Variants in PYGO1 observed in about 807,000 individuals in gnomAD.
PYGO1 encodes pygopus homolog 1.
A neutral mutation model predicts 29.5 loss-of-function variants in PYGO1; 6 were observed. That is an observed-to-expected ratio of 0.20 (90% confidence interval 0.11 to 0.40). PYGO1 has a LOEUF of 0.40. Ranked by LOEUF, PYGO1 falls within the 10% of genes least tolerant of loss-of-function variation. The probability of loss-of-function intolerance (pLI) is 1.00; values close to 1 mark genes in which losing one functional copy is unlikely to be tolerated. For synonymous variants in PYGO1, 186 were observed against 180.5 expected (o/e 1.03, Z -0.24); for missense variants, 515 against 514.9 (o/e 1.00, Z 0.00).
rs774209139 is a variant in PYGO1 at position 55,545,967 on chromosome 15, T to G, written c.*56A>C. 6.2e-6 allele frequency: 9 copies of G among 1,453,960 alleles called. No homozygotes were observed. Among genetic ancestry groups the G allele is most frequent in the Non-Finnish European group, 8.4e-6 (9 of 1,076,458 alleles). 90.1% of individuals were successfully genotyped at this position (1,453,960 alleles called of 1,614,324 possible). A position where few individuals can be genotyped will look rare whatever the true frequency, so the allele number is the denominator to read the frequency against. ...TAATGTAAAACATTAAAATCCTGTGTCAATGAACTTCTGCAATGCACAGGA... is the reference window on the plus strand; with the variant it reads ...TAATGTAAAACATTAAAATCCTGTGGCAATGAACTTCTGCAATGCACAGGA... On this transcript the variant is annotated 3_prime_UTR_variant, in exon 3 of 3. Coordinates refer to ENST00000563719, the MANE Select transcript of PYGO1 (RefSeq NM_001367806.1).
chr15:55,566,721 C>T (rs1476772272), intron 1 of PYGO1, among the ~76,000 whole-genome samples: 2 of 152,156 alleles, frequency 1.3e-5, no homozygotes, highest in Non-Finnish European at 2.9e-5. Flanking sequence ...CTCCACAGGC[C>T]TTATCAACAC....
At chr15:55,565,341 A>T (rs1165147349) in intron 1 of PYGO1, among the ~76,000 whole-genome samples, 7 of 152,000 alleles carry the variant, frequency 4.6e-5, no homozygotes, top group Non-Finnish European at 8.8e-5. Flanking sequence ...AAATGGTCAT[A>T]TTTTCATCTG....
intron 1 of PYGO1, among the ~76,000 whole-genome samples, chr15:55,567,425 C>G (rs925160733): frequency 2.0e-5 from 3 of 151,648 alleles, no homozygotes; most frequent in Admixed American, 2.0e-4. Flanking sequence ...CCAAGCTGGT[C>G]TCAAACTCCT....
rs2058844087 is a variant in PYGO1, at chr15:55,545,143, C to T, written c.*880G>A. 2 of 152,160 alleles carry T rather than the reference C, an allele frequency of 1.3e-5. No individual in the cohort carries two copies. Among genetic ancestry groups the T allele is most frequent in the Admixed American group, 1.3e-4 (2 of 15,274 alleles). 9.4% of individuals were successfully genotyped at this position (152,160 alleles called of 1,614,324 possible). On this transcript the variant is annotated 3_prime_UTR_variant, in exon 3 of 3. Transcript: ENST00000563719. ...GCCCTCTAAGGCCAAATGGATGTTT[C>T]TACCTTCCTCATCTGCAATATGTCC...
rs1380667491 is a variant in PYGO1, at chr15:55,548,911, T to C, written c.134A>G (p.Gln45Arg). ...PDKKKRKANTQGPSFPPLSEY... is the reference protein window; with the variant it reads ...PDKKKRKANTRGPSFPPLSEY... ...TTATTAAAGAAAATGTCAGTTTACCTGTGTATTTGCCTTGCGCTTTTTCTT... is the reference window on the plus strand; with the variant it reads ...TTATTAAAGAAAATGTCAGTTTACCCGTGTATTTGCCTTGCGCTTTTTCTT... Residue 45 changes from glutamine (Q) to arginine (R), a missense_variant and splice_region_variant, in exon 2 of 3, where the codon CAG becomes CGG. Gln to Arg is a conservative substitution (Grantham distance 43). Coordinates refer to ENST00000563719, the MANE Select transcript of PYGO1 (RefSeq NM_001367806.1). The C allele has an allele frequency of 2.5e-6, 4 of 1,610,850 alleles. No individual in the cohort carries two copies. Among genetic ancestry groups the C allele is most frequent in the Non-Finnish European group, 3.4e-6 (4 of 1,178,524 alleles).
chr15:55,580,090 GATAACT>G, intron 1 of PYGO1, among the ~76,000 whole-genome samples: 1 of 152,168 alleles, frequency 6.6e-6, no homozygotes, highest in East Asian at 1.9e-4. Flanking sequence ...CACATGTGAA[GATAACT>G]ATACAATAAT....
At chr15:55,550,624 G>C (rs1347301772) in intron 1 of PYGO1, among the ~76,000 whole-genome samples, 1 of 152,150 alleles carries the variant, frequency 6.6e-6, no homozygotes, top group Non-Finnish European at 1.5e-5. Flanking sequence ...CTAAGTCCCA[G>C]ATGTGGAAGT....
chr15:55,548,972 A>C lies in PYGO1; in HGVS notation c.73T>G (p.Leu25Val). Residue 25 changes from leucine (L) to valine (V), a missense_variant, in exon 2 of 3, where the codon TTA (leucine) becomes GTA (valine). Transcript: ENST00000563719. ...CCTAGTTGTACACCTGGTCCTCCTA[A>C]CCCATCCAGTCCACTATCACCACCT... Reference protein sequence around the residue: ...VRGGDSGLDGLGGPGVQLGSP... With the variant: ...VRGGDSGLDGVGGPGVQLGSP... The C allele has an allele frequency of 6.2e-7, 1 of 1,611,474 alleles. No individual in the cohort carries two copies. Among genetic ancestry groups the C allele is most frequent in the Non-Finnish European group, 8.5e-7 (1 of 1,178,912 alleles).
intron 1 of PYGO1, among the ~76,000 whole-genome samples, chr15:55,550,164 T>C (rs974372973): frequency 6.6e-5 from 10 of 152,342 alleles, no homozygotes; most frequent in African/African-American, 2.2e-4. Context: ...TGGTTTGACA[T>C]GTCTTTTAAT....
rs1442470969 is a variant in PYGO1 at position 55,546,111 on chromosome 15, C to T, written c.1172G>A (p.Gly391Asp). Residue 391 changes from glycine (G) to aspartate (D), a missense_variant, in exon 3 of 3, where the codon GGC (glycine) becomes GAC (aspartate). Coordinates refer to ENST00000563719, the MANE Select transcript of PYGO1 (RefSeq NM_001367806.1). ...LLTAEASAVW[G>D]CDTCMADKDV... ...TTTGTCAGCCATACAGGTATCACAG[C>T]CCCATACTGCAGATGCTTCTGCAGT... 1 of 1,614,080 alleles carries T rather than the reference C, an allele frequency of 6.2e-7. No individual in the cohort carries two copies. The highest frequency in any genetic ancestry group is 1.3e-5 in the African/African-American group (1 of 74,922).
intron 1 of PYGO1, among the ~76,000 whole-genome samples, chr15:55,573,813 T>C (rs1010329370): frequency 2.0e-5 from 3 of 152,254 alleles, no homozygotes; most frequent in Non-Finnish European, 1.5e-5. Context: ...ATGTTATATG[T>C]TGTATTACAT....
intron 1 of PYGO1, among the ~76,000 whole-genome samples, chr15:55,555,601 C>G (rs2058900862): frequency 6.6e-6 from 1 of 151,088 alleles, no homozygotes; most frequent in African/African-American, 2.4e-5. Context: ...TGCAGCATAC[C>G]AACATGGCAC....
At chr15:55,556,003 C>G (rs900856317) in intron 1 of PYGO1, among the ~76,000 whole-genome samples, 1 of 151,966 alleles carries the variant, frequency 6.6e-6, no homozygotes, top group Non-Finnish European at 1.5e-5. Flanking sequence ...CAGATTCATA[C>G]AGCAAGTTTT....
In PYGO1 at chr15:55,563,585, C is replaced by T. The variant is rs147040232; in HGVS notation, c.50-14590G>A. The stretch of plus-strand genomic sequence containing the variant: ...CAGGCTGGTCTCGAGCTCCTGACCT[C>T]GTGATCCGCCTGCCTCGGCCTCCCA... On this transcript the variant is annotated intron_variant, in intron 1 of 2. Coordinates refer to ENST00000563719, the MANE Select transcript of PYGO1 (RefSeq NM_001367806.1). Among the ~76,000 whole-genome samples, 540 of 152,132 alleles carry T rather than the reference C, an allele frequency of 3.5e-3. 13 individuals carry two copies. The East Asian group carries it at 0.053, about 15-fold the overall frequency.
At position 55,588,009 on chromosome 15, in the gene PYGO1, G is replaced by A. The variant is rs2059056720; in HGVS notation, c.-126C>T. On this transcript the variant is annotated 5_prime_UTR_variant, in exon 1 of 3. Coordinates refer to ENST00000563719, the MANE Select transcript of PYGO1 (RefSeq NM_001367806.1). ...AGGCAAGCCTCGGAGCCGAGGCACG[G>A]CCGAGGGCGGTGGGGACGCGGGCCG... 7.6e-7 allele frequency: 1 copy of A among 1,321,830 alleles called. No individual in the cohort carries two copies. The highest frequency in any genetic ancestry group is 1.9e-5 in the South Asian group (1 of 53,906). 81.9% of individuals were successfully genotyped at this position (1,321,830 alleles called of 1,614,324 possible).
chr15:55,549,541 T>C (rs2058869583), intron 1 of PYGO1, among the ~76,000 whole-genome samples: 1 of 152,198 alleles, frequency 6.6e-6, no homozygotes. Context: ...AATGTTTAAG[T>C]TGTTTCCAAG....
intron 1 of PYGO1, among the ~76,000 whole-genome samples, chr15:55,571,185 A>T (rs2058978599): frequency 6.6e-6 from 1 of 152,160 alleles, no homozygotes; most frequent in South Asian, 2.1e-4. Context: ...ATGTGTCAGA[A>T]TTTCCTTCCT....
intron 1 of PYGO1, among the ~76,000 whole-genome samples, chr15:55,586,222 T>C (rs2059045624): frequency 6.6e-6 from 1 of 152,198 alleles, no homozygotes; most frequent in African/African-American, 2.4e-5. Flanking sequence ...TTTTACCCTG[T>C]TTACCCTGTT....
intron 1 of PYGO1, among the ~76,000 whole-genome samples, chr15:55,574,863 A>G (rs1757147656): frequency 2.6e-5 from 4 of 152,170 alleles, no homozygotes; most frequent in Admixed American, 2.0e-4. Flanking sequence ...AGTATATTTC[A>G]ACAGTTAATT....
Sources: gnomAD v4.1 joint callset for allele counts (sites outside exome capture counted in the v4.1 genomes callset) on GRCh38, gnomAD v4.1.1 for gene constraint, MANE v1.5 for transcripts, NCBI Gene and HGNC (gene_info 2026-07-23, HGNC 2026-07-21) for gene names.